NEGR1: variants seen among roughly 807,000 people sequenced by gnomAD.
NEGR1 encodes IgLON family member 4.
NEGR1 carries 10 observed loss-of-function variants against 40.9 expected under a neutral mutation model. That is an observed-to-expected ratio of 0.24 (90% confidence interval 0.15 to 0.42). The LOEUF (loss-of-function observed/expected upper bound fraction) is 0.42. NEGR1 is among the 10% of genes least tolerant of loss of function. The pLI, the probability that NEGR1 is intolerant of heterozygous loss-of-function variation, is 1.00. For synonymous variants in NEGR1, 185 were observed against 166.8 expected, an observed-to-expected ratio of 1.11 and a Z score of -0.84; for missense variants, 352 against 438.9, an observed-to-expected ratio of 0.80 and a Z score of 1.77.
chr1:71,476,081 T>C (rs187617452), intron 6 of NEGR1, among the ~76,000 whole-genome samples: 5 of 152,224 alleles, frequency 3.3e-5, no homozygotes, highest in African/African-American at 1.2e-4. Context: ...CTTCTACATT[T>C]TTCTTTAAAG....
At chr1:71,621,860 C>T (rs367742799) in intron 4 of NEGR1, among the ~76,000 whole-genome samples, 5 of 151,814 alleles carry the variant, frequency 3.3e-5, no homozygotes, top group African/African-American at 1.2e-4. Flanking sequence ...TGATCTGATA[C>T]TGTGTTGATG....
chr1:71,446,660 A>G (rs888605181), intron 6 of NEGR1, among the ~76,000 whole-genome samples: 1 of 152,168 alleles, frequency 6.6e-6, no homozygotes, highest in Non-Finnish European at 1.5e-5. Flanking sequence ...CTGGTTACTC[A>G]TATTCTTTTA....
chr1:71,537,448 G>A (rs1647546749), intron 6 of NEGR1, among the ~76,000 whole-genome samples: 1 of 151,626 alleles, frequency 6.6e-6, no homozygotes, highest in South Asian at 2.1e-4. Context: ...TTTTATTAAA[G>A]GTACCTAATA....
At chr1:71,897,173 A>G (rs182116357) in intron 2 of NEGR1, among the ~76,000 whole-genome samples, 6 of 151,984 alleles carry the variant, frequency 3.9e-5, no homozygotes, top group African/African-American at 9.7e-5. Flanking sequence ...ATATATATAT[A>G]TACTATAACT....
chr1:71,504,775 T>C (rs993711073), intron 6 of NEGR1, among the ~76,000 whole-genome samples: 1 of 152,228 alleles, frequency 6.6e-6, no homozygotes, highest in African/African-American at 2.4e-5. Context: ...GTTCTGATAT[T>C]GAAGAAAATG....
At chr1:71,567,514 T>C (rs1648656853) in intron 6 of NEGR1, among the ~76,000 whole-genome samples, 1 of 152,186 alleles carries the variant, frequency 6.6e-6, no homozygotes, top group Non-Finnish European at 1.5e-5. Context: ...TATATGTAGC[T>C]GCTTTTCTGA....
At chr1:71,662,480 T>G (rs1043864436) in intron 4 of NEGR1, among the ~76,000 whole-genome samples, 4 of 152,166 alleles carry the variant, frequency 2.6e-5, no homozygotes, top group African/African-American at 9.7e-5. Context: ...ACCTTAGATT[T>G]ATAGACTGAA....
intron 1 of NEGR1, among the ~76,000 whole-genome samples, chr1:71,936,605 A>G (rs1645907726): frequency 6.6e-6 from 1 of 152,194 alleles, no homozygotes; most frequent in African/African-American, 2.4e-5. Flanking sequence ...CACCAGGTAA[A>G]CATGAGAGAA....
chr1:72,029,928 T>C (rs1646842735), intron 1 of NEGR1, among the ~76,000 whole-genome samples: 1 of 152,138 alleles, frequency 6.6e-6, no homozygotes, highest in South Asian at 2.1e-4. Flanking sequence ...GTGAATAAAA[T>C]ATAAATACTG....
chr1:72,259,151 G>T (rs1315696742), intron 1 of NEGR1, among the ~76,000 whole-genome samples: 2 of 152,092 alleles, frequency 1.3e-5, no homozygotes, highest in South Asian at 2.1e-4. Flanking sequence ...GCTAAAGTTT[G>T]CAGTGTAGGA....
At chr1:72,232,765 CA>C (rs1411277399) in intron 1 of NEGR1, among the ~76,000 whole-genome samples, 1 of 151,922 alleles carries the variant, frequency 6.6e-6, no homozygotes, top group Non-Finnish European at 1.5e-5. Context: ...GTGATTAAAA[CA>C]ATATAGGTCA....
At chr1:71,513,673 G>C (rs1212790405) in intron 6 of NEGR1, among the ~76,000 whole-genome samples, 1 of 152,196 alleles carries the variant, frequency 6.6e-6, no homozygotes, top group African/African-American at 2.4e-5. Flanking sequence ...ACGGAAGTTA[G>C]GTAGCCTCCT....
chr1:71,526,384 A>T (rs1450752345), intron 6 of NEGR1, among the ~76,000 whole-genome samples: 1 of 151,580 alleles, frequency 6.6e-6, no homozygotes, highest in African/African-American at 2.4e-5. Context: ...TTACTTTTAC[A>T]GTATTATGTC....
At chr1:72,237,600 A>G (rs1654598108) in intron 1 of NEGR1, among the ~76,000 whole-genome samples, 1 of 152,024 alleles carries the variant, frequency 6.6e-6, no homozygotes, top group Non-Finnish European at 1.5e-5. Flanking sequence ...CAAAAATTAA[A>G]TGTCAACTGG....
In NEGR1 at chr1:71,697,714, G is replaced by A. The variant is rs551762655; in HGVS notation, c.667+294C>T. Among the ~76,000 whole-genome samples the A allele has an allele frequency of 3.3e-5, 5 of 151,846 alleles. No homozygotes were observed. In the South Asian group the frequency reaches 1.0e-3, roughly 32 times the overall value. The stretch of plus-strand genomic sequence containing the variant: ...CTCATGAGGAAAACACCAGCATATG[G>A]CTACAGTGCTTTTGAGGTAAGGACA... On this transcript the variant is annotated intron_variant, in intron 4 of 6. Coordinates refer to ENST00000357731, the MANE Select transcript of NEGR1 (RefSeq NM_173808.3).
At chr1:71,731,951 G>A (rs914244777) in intron 3 of NEGR1, among the ~76,000 whole-genome samples, 2 of 152,082 alleles carry the variant, frequency 1.3e-5, no homozygotes, top group African/African-American at 4.8e-5. Context: ...TCCTTATTGT[G>A]GAGATACTAA....
intron 3 of NEGR1, among the ~76,000 whole-genome samples, chr1:71,739,069 G>C (rs1420924267): frequency 6.6e-6 from 1 of 151,778 alleles, no homozygotes; most frequent in East Asian, 1.9e-4. Flanking sequence ...AATGTTCCTG[G>C]GTGTGTGTGT....
chr1:72,108,054 T>C (rs1649205663), intron 1 of NEGR1, among the ~76,000 whole-genome samples: 1 of 151,530 alleles, frequency 6.6e-6, no homozygotes, highest in Admixed American at 6.6e-5. Context: ...AATAAAAGCT[T>C]CCAGGATAAA....
At chr1:71,598,583 C>T (rs774640068) in intron 5 of NEGR1, among the ~76,000 whole-genome samples, 6 of 152,162 alleles carry the variant, frequency 3.9e-5, no homozygotes, top group Non-Finnish European at 7.4e-5. Flanking sequence ...CTCACACTCT[C>T]TCCAACTTAC....
Sources: gnomAD v4.1 joint callset for allele counts (sites outside exome capture counted in the v4.1 genomes callset) on GRCh38, gnomAD v4.1.1 for gene constraint, MANE v1.5 for transcripts, NCBI Gene and HGNC (gene_info 2026-07-23, HGNC 2026-07-21) for gene names.